SLC38A11: variants seen among roughly 807,000 people sequenced by gnomAD.
The protein encoded by SLC38A11 is putative sodium-coupled neutral amino acid transporter 11.
Under a neutral mutation model 49.4 loss-of-function variants are expected in SLC38A11, and 51 were observed. The observed-to-expected ratio is 1.03, with a 90% CI of 0.83 to 1.30. The LOEUF (loss-of-function observed/expected upper bound fraction) is 1.30, where lower values mean the gene tolerates loss of function less well. Among genes scored for constraint, SLC38A11 ranks in the 50% most tolerant of loss-of-function variants. SLC38A11 has a pLI of 0.00. For missense variants in SLC38A11, 574 were observed against 556.2 expected (o/e 1.03, Z -0.32); for synonymous variants, 203 against 192.9 (o/e 1.05, Z -0.43).
Position 164,937,399 on chromosome 2 carries a change from GA to G in SLC38A11, c.567del (p.Leu190Ter). ...CTTGCCATTACAATTCCAAGAATCA[GA>G]GTTGTTAAACCTGTAGAGATGAGGG... Reference protein sequence around the residue: ...KVSLISTGLTTLILGIVMARA... With the variant: ...KVSLISTGLTXLILGIVMARA... On this transcript the variant is annotated frameshift_variant, in exon 7 of 12. Transcript: ENST00000685975. LOFTEE classifies it high-confidence loss of function. 6.2e-7 allele frequency: 1 copy of G among 1,611,852 alleles called. No homozygotes were observed. The highest frequency in any genetic ancestry group is 2.2e-5 in the East Asian group (1 of 44,786).
At chr2:164,915,875 G>A (rs1685744455) in intron 8 of SLC38A11, 28 bp downstream of exon 8, 13 of 1,558,728 alleles carry the variant, frequency 8.3e-6, no homozygotes, top group Non-Finnish European at 1.1e-5. Flanking sequence ...TCCACATTGA[G>A]AAAGGGCCTT....
chr2:164,945,482 G>T, intron 4 of SLC38A11, 111 bp downstream of exon 4: 1 of 982,422 alleles, frequency 1.0e-6, no homozygotes, highest in Non-Finnish European at 1.4e-6. Context: ...ATTTGGGAAA[G>T]ATTTCAACTG....
At chr2:164,922,851 A>G (rs1458341506) in intron 7 of SLC38A11, among the ~76,000 whole-genome samples, 2 of 152,204 alleles carry the variant, frequency 1.3e-5, no homozygotes, top group African/African-American at 4.8e-5. Flanking sequence ...TAACCAAAGA[A>G]GCATCATACT....
intron 11 of SLC38A11, among the ~76,000 whole-genome samples, chr2:164,906,205 GT>G (rs1189646413): frequency 1.3e-5 from 2 of 152,148 alleles, no homozygotes; most frequent in Non-Finnish European, 2.9e-5. Context: ...AAACAAATTT[GT>G]GGACTCAAAC....
chr2:164,948,638 A>G (rs1017968766), intron 3 of SLC38A11, among the ~76,000 whole-genome samples: 3 of 152,188 alleles, frequency 2.0e-5, no homozygotes, highest in Non-Finnish European at 4.4e-5. Flanking sequence ...CTCCTCCAAA[A>G]AAGTAAAACA....
intron 3 of SLC38A11, among the ~76,000 whole-genome samples, chr2:164,951,769 G>A (rs181312241): frequency 1.3e-5 from 2 of 152,234 alleles, no homozygotes; most frequent in East Asian, 3.9e-4. Flanking sequence ...AGAGGACAGG[G>A]CAGGGGAAAG....
intron 11 of SLC38A11, among the ~76,000 whole-genome samples, chr2:164,907,659 A>G (rs1280087501): frequency 2.0e-5 from 3 of 152,108 alleles, no homozygotes; most frequent in Non-Finnish European, 4.4e-5. Context: ...CTTATATTCT[A>G]TTGTGTGGCA....
intron 5 of SLC38A11, among the ~76,000 whole-genome samples, chr2:164,942,942 C>T (rs537639648): frequency 1.5e-4 from 23 of 152,322 alleles, no homozygotes; most frequent in African/African-American, 5.5e-4. Flanking sequence ...CACAGCTGGT[C>T]ATTCGTGAGT....
chr2:164,931,422 T>A (rs748334280), intron 7 of SLC38A11, among the ~76,000 whole-genome samples: 15 of 151,938 alleles, frequency 9.9e-5, no homozygotes, highest in Non-Finnish European at 1.9e-4. Context: ...GAAACAACTA[T>A]TTTAAAATTC....
At chr2:164,953,981 A>G (rs1688688120) in intron 2 of SLC38A11, among the ~76,000 whole-genome samples, 1 of 152,136 alleles carries the variant, frequency 6.6e-6, no homozygotes, top group Non-Finnish European at 1.5e-5. Context: ...TTCTAATACA[A>G]TGGAAAAATC....
At chr2:164,940,228 T>TTATATATATATA (rs5836006) in intron 5 of SLC38A11, among the ~76,000 whole-genome samples, 6 of 142,228 alleles carry the variant, frequency 4.2e-5, no homozygotes, top group Admixed American at 7.1e-5. Flanking sequence ...ATAGAAAATT[T>TTATATATATATA]TATATATATA....
At chr2:164,925,844 A>G (rs924944330) in intron 7 of SLC38A11, among the ~76,000 whole-genome samples, 3 of 152,168 alleles carry the variant, frequency 2.0e-5, no homozygotes, top group African/African-American at 7.2e-5. Flanking sequence ...CCCAGTAGAC[A>G]TTTAATAAGT....
At chr2:164,907,582 C>G (rs1429017786) in intron 11 of SLC38A11, among the ~76,000 whole-genome samples, 1 of 152,096 alleles carries the variant, frequency 6.6e-6, no homozygotes, top group Non-Finnish European at 1.5e-5. Context: ...TCTTCATCAC[C>G]TATATTGCAG....
chr2:164,928,386 C>T (rs1686741904), intron 7 of SLC38A11, among the ~76,000 whole-genome samples: 1 of 152,158 alleles, frequency 6.6e-6, no homozygotes. Flanking sequence ...AAATTTTGGT[C>T]AGTTAATCCC....
chr2:164,942,690 G>A (rs1418715954), intron 5 of SLC38A11, among the ~76,000 whole-genome samples: 2 of 152,122 alleles, frequency 1.3e-5, no homozygotes, highest in East Asian at 3.9e-4. Context: ...CTACCCACTC[G>A]TGTGGCCTCA....
chr2:164,940,115 T>C (rs1284545221), intron 5 of SLC38A11, among the ~76,000 whole-genome samples: 3 of 150,458 alleles, frequency 2.0e-5, no homozygotes, highest in Non-Finnish European at 4.4e-5. Flanking sequence ...AAAAACTGGT[T>C]TCCCTGAATG....
At chr2:164,938,613 T>G (rs528691335) in intron 6 of SLC38A11, among the ~76,000 whole-genome samples, 3 of 152,180 alleles carry the variant, frequency 2.0e-5, no homozygotes, top group African/African-American at 7.2e-5. Flanking sequence ...AGATGACTAT[T>G]AGGGATGGTC....
chr2:164,898,645 T>A lies in SLC38A11; in HGVS notation c.1181A>T (p.Asp394Val). Residue 394 changes from aspartate to valine, a missense_variant, in exon 12 of 12, where the codon GAT becomes GTT. Physicochemically the swap from Asp to Val is radical, Grantham distance 152. Coordinates refer to ENST00000685975, the MANE Select transcript of SLC38A11 (RefSeq NM_001351537.2). ...KLSEEPRTHS[D>V]KIMSCVMLPI... The stretch of plus-strand genomic sequence containing the variant: ...AAGCATGACACAAGACATAATCTTA[T>A]CGGAGTGTGTCCTTGGTTCTTCAGA... 3 of 1,613,548 alleles carry A rather than the reference T, an allele frequency of 1.9e-6. No homozygotes were observed. Among genetic ancestry groups the A allele is most frequent in the Non-Finnish European group, 1.7e-6 (2 of 1,179,696 alleles).
Position 164,954,628 on chromosome 2 carries a change from T to C in SLC38A11, c.154+3A>G, listed in dbSNP as rs756744937. On this transcript the variant is annotated splice_donor_region_variant and intron_variant, in intron 2 of 11. Coordinates refer to ENST00000685975, the MANE Select transcript of SLC38A11 (RefSeq NM_001351537.2). ...AAATTTAAACCAAAGCAAATACACT[T>C]ACCTATTATACCAGATCCTATAATC... The C allele has an allele frequency of 1.4e-6, 2 of 1,448,124 alleles. No homozygotes were observed. The highest frequency in any genetic ancestry group is 1.9e-6 in the Non-Finnish European group (2 of 1,078,484). The allele number at this position is 1,448,124 out of a possible 1,614,324, so 89.7% of individuals were successfully genotyped here. A position where few individuals can be genotyped will look rare whatever the true frequency, so the allele number is the denominator to read the frequency against.
Sources: gnomAD v4.1 joint callset for allele counts (sites outside exome capture counted in the v4.1 genomes callset) on GRCh38, gnomAD v4.1.1 for gene constraint, MANE v1.5 for transcripts, NCBI Gene and HGNC (gene_info 2026-07-23, HGNC 2026-07-21) for gene names.